The following FGF13 variants were observed in gnomAD, a reference collection of about 807,000 sequenced individuals.
The protein encoded by FGF13 is fibroblast growth factor homologous factor 2.
In FGF13, 2 loss-of-function variants were observed where a neutral mutation model predicts 19.5. The observed-to-expected ratio is 0.10, with a 90% CI of 0.04 to 0.32. FGF13 has a LOEUF of 0.32. Among genes scored for constraint, FGF13 ranks in the 10% least tolerant of loss-of-function variants. The pLI is 1.00. For missense variants in FGF13, 113 were observed against 192.7 expected (o/e 0.59, Z 2.45); for synonymous variants, 72 against 76.9 (o/e 0.94, Z 0.33).
chrX:138,827,813 T>TAAAAA (rs2091044134), intron 3 of FGF13, among the ~76,000 whole-genome samples: 1 of 112,130 alleles, frequency 8.9e-6, no homozygotes, highest in Non-Finnish European at 1.9e-5. Flanking sequence ...TAATTTCCCT[T>TAAAAA]TATTGATTAC....
At chrX:138,929,828 T>G (rs756273021) in intron 1 of FGF13, among the ~76,000 whole-genome samples, 1 of 106,409 alleles carries the variant, frequency 9.4e-6, no homozygotes, top group African/African-American at 3.4e-5. Flanking sequence ...GCATTCACCC[T>G]GGTCCATTGT....
At chrX:138,887,023 A>G (rs993125844) in intron 1 of FGF13, among the ~76,000 whole-genome samples, 2 of 111,505 alleles carry the variant, frequency 1.8e-5, no homozygotes, top group African/African-American at 6.5e-5. Flanking sequence ...TAGTCTGGCA[A>G]GTAGATCCAA....
intron 1 of FGF13, among the ~76,000 whole-genome samples, chrX:139,148,974 C>A (rs961847583): frequency 9.0e-6 from 1 of 111,284 alleles, no homozygotes; most frequent in African/African-American, 3.3e-5. Context: ...CTTTTGCCCC[C>A]AATACCAAAT....
intron 4 of FGF13, among the ~76,000 whole-genome samples, chrX:138,634,866 A>G (rs1209963988): frequency 1.8e-5 from 2 of 112,238 alleles, no homozygotes; most frequent in Admixed American, 9.4e-5. Context: ...TAAAAGTAGC[A>G]TTGGATCCAG....
At position 138,886,022 on chromosome X, in the gene FGF13, T is replaced by C. The variant is rs778808693; in HGVS notation, c.-112-21372A>G. 4.7e-4 allele frequency among the ~76,000 whole-genome samples: 53 copies of C among 111,897 alleles called. 1 individual carries two copies. Among genetic ancestry groups the C allele is most frequent in the African/African-American group, 1.7e-3 (51 of 30,798 alleles). ...TATTGTTTATTCCCACTTCGTATTT[T>C]CAAATGTTCACCAAATCAAGTACAG... On this transcript the variant is annotated intron_variant, in intron 1 of 2. Transcript: ENST00000421460.
chrX:138,673,721 G>C (rs1328254745), intron 3 of FGF13, among the ~76,000 whole-genome samples: 1 of 111,174 alleles, frequency 9.0e-6, no homozygotes, highest in Non-Finnish European at 1.9e-5. Context: ...GGTGGAGAGG[G>C]ATACGAAGAC....
intron 3 of FGF13, among the ~76,000 whole-genome samples, chrX:138,830,538 G>C: frequency 8.9e-6 from 1 of 111,842 alleles, no homozygotes; most frequent in Middle Eastern, 4.7e-3. Context: ...TAGCATTCAA[G>C]CTATTGCTTG....
intron 1 of FGF13, among the ~76,000 whole-genome samples, chrX:139,049,658 G>T (rs753503058): frequency 1.8e-5 from 2 of 112,688 alleles, no homozygotes; most frequent in African/African-American, 6.4e-5. Flanking sequence ...TCAGAGGAAA[G>T]CTGGTCTGAG....
chrX:138,837,974 C>T lies in FGF13; in HGVS notation c.217+19538G>A, dbSNP rs542119057. 3.6e-5 allele frequency among the ~76,000 whole-genome samples: 4 copies of T among 112,167 alleles called. No individual in the cohort carries two copies. In the South Asian group the frequency reaches 1.5e-3, roughly 42 times the overall value. ...AAGAGCAAGAACTCACTTAAAGAAA[C>T]AGCCTGGCCATGTTTTGATAAGCAG... On this transcript the variant is annotated intron_variant, in intron 3 of 6. Coordinates refer to the FGF13 transcript ENST00000436198.
At chrX:138,794,842 GA>G (rs1037711631) in intron 3 of FGF13, among the ~76,000 whole-genome samples, 1 of 111,643 alleles carries the variant, frequency 9.0e-6, no homozygotes, top group Admixed American at 9.5e-5. Flanking sequence ...ATTTAAGAGA[GA>G]AAAAAACAGA....
intron 1 of FGF13, among the ~76,000 whole-genome samples, chrX:138,894,297 A>T (rs1284596279): frequency 1.8e-5 from 2 of 110,542 alleles, no homozygotes; most frequent in East Asian, 5.7e-4. Context: ...GGCAAGAAAT[A>T]ACTAAGATCA....
intron 1 of FGF13, among the ~76,000 whole-genome samples, chrX:138,902,543 T>C (rs943777380): frequency 2.7e-5 from 3 of 111,840 alleles, no homozygotes; most frequent in Non-Finnish European, 5.6e-5. Flanking sequence ...ATCAACTTTT[T>C]AGCTATTTTG....
intron 1 of FGF13, chrX:138,984,964 G>A (rs764837762): frequency 2.7e-5 from 9 of 329,319 alleles, no homozygotes; most frequent in Non-Finnish European, 5.5e-5. Context: ...TAGGATAAAG[G>A]CAGTTTGGGG....
chrX:139,198,164 C>T (rs972716615), intron 1 of FGF13, among the ~76,000 whole-genome samples: 10 of 110,924 alleles, frequency 9.0e-5, no homozygotes, highest in Non-Finnish European at 1.5e-4. Flanking sequence ...TTGAGATGCA[C>T]ACTTAAGATC....
intron 1 of FGF13, among the ~76,000 whole-genome samples, chrX:138,884,946 C>T (rs149889650): frequency 0.015 from 1,702 of 111,921 alleles, 24 homozygotes; most frequent in African/African-American, 0.051. Context: ...AAAATGGCAC[C>T]ATTAGCCATC....
chrX:139,182,956 G>A (rs2084251759), intron 1 of FGF13, among the ~76,000 whole-genome samples: 1 of 111,254 alleles, frequency 9.0e-6, no homozygotes, highest in African/African-American at 3.3e-5. Flanking sequence ...TTGAGATTAA[G>A]AGGCTCACTC....
chrX:138,951,700 G>A lies in FGF13; in HGVS notation c.-112-87050C>T, dbSNP rs141217585. The stretch of plus-strand genomic sequence containing the variant: ...ACCACAATAATACAGCAACATACCC[G>A]CTAGAATGGCTAAAATTTAAAAAAC... On this transcript the variant is annotated intron_variant, in intron 1 of 2. Transcript: ENST00000421460. Among the ~76,000 whole-genome samples the A allele has an allele frequency of 4.7e-3, 529 of 111,383 alleles. 2 individuals carry two copies. Among genetic ancestry groups the A allele is most frequent in the African/African-American group, 0.016 (502 of 30,695 alleles).
intron 1 of FGF13, among the ~76,000 whole-genome samples, chrX:139,050,142 G>C (rs903418357): frequency 2.0e-4 from 22 of 111,221 alleles, no homozygotes; most frequent in Admixed American, 1.9e-4. Flanking sequence ...TAATAGGGAA[G>C]AGACATATGT....
At chrX:138,876,760 T>C (rs193242978) in intron 1 of FGF13, among the ~76,000 whole-genome samples, 1 of 112,208 alleles carries the variant, frequency 8.9e-6, no homozygotes, top group African/African-American at 3.2e-5. Context: ...TGCTGTCATT[T>C]TGAGACTTTG....
Sources: allele counts gnomAD v4.1 joint callset (sites outside exome capture counted in the v4.1 genomes callset), GRCh38; gene constraint gnomAD v4.1.1; transcripts MANE v1.5; gene names NCBI Gene and HGNC (gene_info 2026-07-23, HGNC 2026-07-21).